Variants in DOCK2 observed in about 807,000 individuals in gnomAD.
DOCK2 encodes the protein dedicator of cytokinesis 2, also known as dedicator of cytokinesis protein 2.
A neutral mutation model predicts 248.9 loss-of-function variants in DOCK2; 87 were observed. That is an observed-to-expected ratio of 0.35 (90% CI 0.29 to 0.42). The LOEUF (loss-of-function observed/expected upper bound fraction) is 0.42, where lower values mean the gene tolerates loss of function less well. Ranked by LOEUF, DOCK2 falls within the 10% of genes least tolerant of loss-of-function variation. DOCK2 has a pLI of 1.00. For synonymous variants in DOCK2, 805 were observed against 821.6 expected (o/e 0.98, Z 0.35); for missense variants, 1,747 against 2,300.2 (o/e 0.76, Z 4.92).
chr5:169,994,579 TGAA>T (rs1288912622), intron 29 of DOCK2, among the ~76,000 whole-genome samples: 1 of 152,060 alleles, frequency 6.6e-6, no homozygotes, highest in Non-Finnish European at 1.5e-5. Flanking sequence ...GAAAACTAAA[TGAA>T]GAAGGCTCTC....
At chr5:169,952,385 C>T (rs2113727835) in intron 27 of DOCK2, among the ~76,000 whole-genome samples, 1 of 152,078 alleles carries the variant, frequency 6.6e-6, no homozygotes, top group East Asian at 1.9e-4. Flanking sequence ...GCTTGGTTCT[C>T]TTTCCTGGAT....
intron 5 of DOCK2, 124 bp downstream of exon 5, chr5:169,671,298 A>G (rs978140375): frequency 1.3e-6 from 1 of 749,638 alleles, no homozygotes. Flanking sequence ...CAGAGCGCAC[A>G]CTATTACGTG....
intron 22 of DOCK2, among the ~76,000 whole-genome samples, chr5:169,739,747 G>T (rs1196309150): frequency 6.6e-6 from 1 of 152,136 alleles, no homozygotes; most frequent in Non-Finnish European, 1.5e-5. Flanking sequence ...AATGATAAAA[G>T]AAGTGGTCAA....
chr5:169,699,542 C>T (rs1322705610), intron 12 of DOCK2, 84 bp downstream of exon 12: 2 of 1,325,716 alleles, frequency 1.5e-6, no homozygotes, highest in Non-Finnish European at 2.1e-6. Context: ...AAATCCTGAA[C>T]CCTGGGATAC....
At chr5:169,854,677 T>C (rs7729471) in intron 27 of DOCK2, among the ~76,000 whole-genome samples, 12,809 of 152,294 alleles carry the variant, frequency 0.084, 592 homozygotes, top group Non-Finnish European at 0.097. Flanking sequence ...CTGGACTGCT[T>C]TTCCTTGAAA....
chr5:170,007,307 G>A (rs1474854028), intron 30 of DOCK2, among the ~76,000 whole-genome samples: 1 of 152,154 alleles, frequency 6.6e-6, no homozygotes, highest in African/African-American at 2.4e-5. Flanking sequence ...CAGCAAAACT[G>A]TCTCCCACAT....
intron 27 of DOCK2, among the ~76,000 whole-genome samples, chr5:169,920,327 G>C (rs576883108): frequency 6.6e-6 from 1 of 152,316 alleles, no homozygotes; most frequent in East Asian, 1.9e-4. Flanking sequence ...TATGCAATTA[G>C]AAGTGTGGAT....
At chr5:170,040,090 A>C (rs1468844368) in intron 36 of DOCK2, among the ~76,000 whole-genome samples, 2 of 152,214 alleles carry the variant, frequency 1.3e-5, no homozygotes, top group African/African-American at 4.8e-5. Context: ...GCATACTTGC[A>C]TTTCTTAGCA....
At chr5:169,731,653 TA>T (rs1313709058) in intron 22 of DOCK2, among the ~76,000 whole-genome samples, 1 of 144,644 alleles carries the variant, frequency 6.9e-6, no homozygotes, top group Non-Finnish European at 1.5e-5. Context: ...TGTGCCCAGG[TA>T]CATTCTTGTA....
intron 6 of DOCK2, among the ~76,000 whole-genome samples, chr5:169,679,251 G>A (rs771966140): frequency 6.6e-6 from 1 of 152,120 alleles, no homozygotes; most frequent in Non-Finnish European, 1.5e-5. Context: ...TGCATACAGT[G>A]GGGCCTTTTC....
At chr5:169,896,652 G>A (rs1193084867) in intron 27 of DOCK2, among the ~76,000 whole-genome samples, 1 of 152,092 alleles carries the variant, frequency 6.6e-6, no homozygotes, top group Non-Finnish European at 1.5e-5. Context: ...ATTACTATAG[G>A]CAGTATCATC....
chr5:169,656,507 T>G (rs1758128648), intron 2 of DOCK2, among the ~76,000 whole-genome samples: 1 of 152,092 alleles, frequency 6.6e-6, no homozygotes, highest in South Asian at 2.1e-4. Context: ...GAGACGGGGT[T>G]TCGCCATGTT....
intron 27 of DOCK2, among the ~76,000 whole-genome samples, chr5:169,914,445 C>T (rs961506745): frequency 2.0e-5 from 3 of 152,304 alleles, no homozygotes; most frequent in South Asian, 2.1e-4. Context: ...CAACAGGCTC[C>T]TGTTTTATGG....
At chr5:169,855,702 A>G (rs1220438228) in intron 27 of DOCK2, among the ~76,000 whole-genome samples, 1 of 152,324 alleles carries the variant, frequency 6.6e-6, no homozygotes, top group African/African-American at 2.4e-5. Flanking sequence ...AAGTCTTTCA[A>G]TTAAACTAAA....
rs565857494 is a variant in DOCK2, at chr5:169,666,348, TTCAGTCC to T, written c.128-2939_128-2933del. Among the ~76,000 whole-genome samples the T allele has an allele frequency of 3.3e-3, 500 of 152,280 alleles. 2 individuals are homozygous for T. Among genetic ancestry groups the T allele is most frequent in the African/African-American group, 0.012 (483 of 41,560 alleles). On this transcript the variant is annotated intron_variant, in intron 2 of 51. Transcript: ENST00000520908. ...AACATACGAATTTTGGGAGGACACA[TTCAGTCC>T]ATAGCAATGCACACTGTGAATTTTA...
At chr5:169,744,442 C>T (rs1049046355) in intron 22 of DOCK2, among the ~76,000 whole-genome samples, 8 of 152,126 alleles carry the variant, frequency 5.3e-5, no homozygotes, top group South Asian at 2.1e-4. Context: ...AAATGCTCAC[C>T]GGACTTCCCA....
intron 27 of DOCK2, among the ~76,000 whole-genome samples, chr5:169,900,263 C>A (rs1773847712): frequency 6.6e-6 from 1 of 152,200 alleles, no homozygotes. Flanking sequence ...GACCTTTAGA[C>A]AACCCTAACC....
chr5:169,905,580 T>G (rs1328079767), intron 27 of DOCK2, among the ~76,000 whole-genome samples: 1 of 152,226 alleles, frequency 6.6e-6, no homozygotes, highest in Non-Finnish European at 1.5e-5. Flanking sequence ...TCACTCGCTC[T>G]TCAAGTCCTG....
chr5:169,806,989 G>A (rs983300242), intron 26 of DOCK2, among the ~76,000 whole-genome samples: 5 of 152,014 alleles, frequency 3.3e-5, no homozygotes, highest in African/African-American at 7.2e-5. Context: ...ATCCGGAACC[G>A]CTGAATATGG....
Sources: gnomAD v4.1 joint callset for allele counts (sites outside exome capture counted in the v4.1 genomes callset) on GRCh38, gnomAD v4.1.1 for gene constraint, MANE v1.5 for transcripts, NCBI Gene and HGNC (gene_info 2026-07-23, HGNC 2026-07-21) for gene names.